IDI1: variants seen among roughly 807,000 people sequenced by gnomAD.
The protein encoded by IDI1 is isopentenyl-diphosphate delta isomerase 1, also known as isopentenyl-diphosphate Delta-isomerase 1.
Under a neutral mutation model 32.9 loss-of-function variants are expected in IDI1, and 23 were observed. The observed-to-expected ratio is 0.70, with a 90% CI of 0.50 to 0.99. The LOEUF is 0.99. Ranked by LOEUF, IDI1 falls within the 50% of genes least tolerant of loss-of-function variation. The pLI, the probability that IDI1 is intolerant of heterozygous loss-of-function variation, is 0.00. For missense variants in IDI1, 326 were observed against 351.9 expected, an observed-to-expected ratio of 0.93 and a Z score of 0.59; for synonymous variants, 133 against 128.2, an observed-to-expected ratio of 1.04 and a Z score of -0.25.
chr10:1,049,304 G>T, upstream of IDI1: 1 of 416,262 alleles, frequency 2.4e-6, no homozygotes, highest in Non-Finnish European at 4.2e-6. Flanking sequence ...ACGTCTCGAG[G>T]CTCGCGTTCC....
At chr10:1,052,418 T>A (rs1294368402), upstream of IDI1, among the ~76,000 whole-genome samples, 1 of 152,230 alleles carries the variant, frequency 6.6e-6, no homozygotes, top group East Asian at 1.9e-4. Flanking sequence ...CCTTACAAAA[T>A]GTATTTCTTA....
At chr10:1,052,004 C>A (rs567119296), upstream of IDI1, among the ~76,000 whole-genome samples, 2 of 152,338 alleles carry the variant, frequency 1.3e-5, no homozygotes, top group East Asian at 1.9e-4. Flanking sequence ...TCATGAGTAG[C>A]TGGCACTATG....
the IDI1 span, among the ~76,000 whole-genome samples, chr10:1,056,081 A>T: frequency 6.6e-6 from 1 of 152,118 alleles, no homozygotes; most frequent in African/African-American, 2.4e-5. Context: ...TGTTGGGATT[A>T]CAGGCGTGAG....
Position 1,044,225 on chromosome 10 carries a change from A to G in IDI1, c.141-54T>C, listed in dbSNP as rs146364428. 2.3e-4 allele frequency: 306 copies of G among 1,355,884 alleles called. No individual in the cohort carries two copies. In the African/African-American group the frequency reaches 4.2e-3, roughly 19 times the overall value. The allele number at this position is 1,355,884 out of a possible 1,614,324, so 84.0% of individuals were successfully genotyped here. On this transcript the variant is annotated intron_variant, in intron 1 of 4. Coordinates refer to ENST00000381344, the MANE Select transcript of IDI1 (RefSeq NM_004508.4). ...GCCATCATATATTTTTCTGAATGTC[A>G]TATAAACACAGGTTAATAATGATGC... is the stretch of plus-strand genomic sequence containing the variant.
the IDI1 span, among the ~76,000 whole-genome samples, chr10:1,054,475 T>C: frequency 6.6e-6 from 1 of 151,786 alleles, no homozygotes; most frequent in Non-Finnish European, 1.5e-5. Context: ...CAAAAATGAG[T>C]CTTAGTAAAT....
At chr10:1,048,752 C>T (rs1026968514) in intron 1 of IDI1, 112 bp downstream of exon 1, 1 of 1,490,258 alleles carries the variant, frequency 6.7e-7, no homozygotes. Flanking sequence ...CAGGCCTCCG[C>T]GCCGAGACCT....
At position 1,041,477 on chromosome 10, in the gene IDI1, TTAAA is replaced by T; in HGVS notation, c.561_564del (p.Tyr187Ter). On this transcript the variant is annotated frameshift_variant, in exon 5 of 5. Transcript: ENST00000381344. LOFTEE classifies it high-confidence loss of function. ...GACTGAGCTTTGTAGTGAATTCGTG[TTAAA>T]TAATTAATTTCTTCTGGAGGAACCT... 1 of 1,578,542 alleles carries T rather than the reference TTAAA, an allele frequency of 6.3e-7. No individual in the cohort carries two copies. Among genetic ancestry groups the T allele is most frequent in the Non-Finnish European group, 8.6e-7 (1 of 1,159,258 alleles).
chr10:1,042,845 A>G, intron 3 of IDI1, 83 bp from the exon 4 acceptor site: 1 of 1,192,672 alleles, frequency 8.4e-7, no homozygotes, highest in East Asian at 2.4e-5. Flanking sequence ...TAAGTAACTG[A>G]AAAATGAAAT....
chr10:1,048,435 C>T, intron 1 of IDI1: 2 of 1,288,494 alleles, frequency 1.6e-6, no homozygotes, highest in Non-Finnish European at 2.0e-6. Flanking sequence ...CACGCGTGGA[C>T]TCGGCACGGG....
At chr10:1,049,766 C>G (rs943850545), upstream of IDI1, 3 of 152,246 alleles carry the variant, frequency 2.0e-5, no homozygotes, top group African/African-American at 7.2e-5. Context: ...GCAATTGTCC[C>G]GTCTCAGCCT....
chr10:1,052,695 C>G (rs886858732), upstream of IDI1, among the ~76,000 whole-genome samples: 1 of 151,770 alleles, frequency 6.6e-6, no homozygotes, highest in African/African-American at 2.4e-5. Flanking sequence ...CTTTGTTGTT[C>G]TATCTACACA....
intron 3 of IDI1, 25 bp from the exon 4 acceptor site, chr10:1,042,787 G>C: frequency 6.2e-7 from 1 of 1,600,614 alleles, no homozygotes; most frequent in Non-Finnish European, 8.6e-7. Flanking sequence ...TACAGAGACA[G>C]ATCAACTTTT....
chr10:1,041,601 G>C (rs1157820936), intron 4 of IDI1, 97 bp from the exon 5 acceptor site: 5 of 612,304 alleles, frequency 8.2e-6, no homozygotes, highest in Admixed American at 3.1e-5. Context: ...ATCTCGAACA[G>C]CAGTATAGTT....
rs1159791261 is a variant in IDI1 at position 1,048,875 on chromosome 10, C to T, written c.129G>A (p.Arg43=). The change falls in exon 1 of 5, where the codon CGG becomes CGA. Residue 43 remains arginine (R), a synonymous_variant. Transcript: ENST00000381344. ...RHPGPAVVCG[R]RLISVLEQIR... is the part of the protein sequence containing the mutation. ...CCCGTCCACAGTACCTGATCAGCCT[C>T]CGGCCACAGACAACCGCCGGTCCCG... The T allele has an allele frequency of 1.2e-6, 2 of 1,606,426 alleles. No homozygotes were observed. The highest frequency in any genetic ancestry group is 3.3e-5 in the Admixed American group (2 of 59,854).
upstream of IDI1, chr10:1,049,235 A>T: frequency 1.6e-6 from 1 of 636,874 alleles, no homozygotes; most frequent in African/African-American, 2.0e-5. Context: ...CCGCCAGCCA[A>T]TCACGCTTTC....
Position 1,048,952 on chromosome 10 carries a change from G to GC in IDI1, c.51dup (p.Arg18AlafsTer43). The GC allele has an allele frequency of 6.4e-7, 1 of 1,564,728 alleles. No individual in the cohort carries two copies. ...GCGGCGCGCACCGCCCACTGGCCCC[G>GC]CCCCCGGGCCGCGCAGCCAATCGCT... On this transcript the variant is annotated frameshift_variant, in exon 1 of 5. Transcript: ENST00000381344. LOFTEE classifies it high-confidence loss of function.
chr10:1,043,916 T>C, intron 2 of IDI1, 83 bp downstream of exon 2: 1 of 1,188,854 alleles, frequency 8.4e-7, no homozygotes, highest in Non-Finnish European at 1.2e-6. Context: ...AAGACTGCAC[T>C]TCCTTGAACA....
At chr10:1,042,519 A>C in intron 4 of IDI1, 113 bp downstream of exon 4, 1 of 988,204 alleles carries the variant, frequency 1.0e-6, no homozygotes, top group South Asian at 1.3e-5. Flanking sequence ...CTAACTCATA[A>C]CTCCGGAGGT....
intron 1 of IDI1, among the ~76,000 whole-genome samples, chr10:1,045,669 G>T (rs553779798): frequency 6.6e-6 from 1 of 152,118 alleles, no homozygotes. Flanking sequence ...GTCTTGCCAT[G>T]CTGGCCATGC....
Sources: gnomAD v4.1 joint callset for allele counts (sites outside exome capture counted in the v4.1 genomes callset) on GRCh38, gnomAD v4.1.1 for gene constraint, MANE v1.5 for transcripts, NCBI Gene and HGNC (gene_info 2026-07-23, HGNC 2026-07-21) for gene names.